The following GPC5 variants were observed in gnomAD, a reference collection of about 807,000 sequenced individuals.
GPC5 encodes the protein glypican 5, also known as glypican-5.
GPC5 carries 47 observed loss-of-function variants against 53.9 expected under a neutral mutation model. The observed-to-expected ratio is 0.87, with a 90% CI of 0.69 to 1.11. The LOEUF is 1.11. Among genes scored for constraint, GPC5 ranks in the 50% most tolerant of loss-of-function variants. The pLI is 0.00. For synonymous variants in GPC5, 286 were observed against 263.3 expected (o/e 1.09, Z -0.84); for missense variants, 748 against 713.1 (o/e 1.05, Z -0.56).
chr13:91,689,204 TATATATATATATATATATATATATATAC>T (rs1221592828), intron 2 of GPC5, among the ~76,000 whole-genome samples: 16 of 112,684 alleles, frequency 1.4e-4, no homozygotes, highest in African/African-American at 5.0e-4. Context: ...TATATATATA[TATATATATATATATATATATATATATAC>T]ACATATAAAA....
chr13:92,823,804 C>A (rs1490095317), intron 7 of GPC5, among the ~76,000 whole-genome samples: 2 of 152,032 alleles, frequency 1.3e-5, no homozygotes, highest in African/African-American at 4.8e-5. Context: ...ACTTCCCAAC[C>A]CTGTTAAAAC....
At chr13:92,644,750 G>A (rs1885710192) in intron 7 of GPC5, among the ~76,000 whole-genome samples, 1 of 151,900 alleles carries the variant, frequency 6.6e-6, no homozygotes, top group African/African-American at 2.4e-5. Context: ...ATCTGTTTTT[G>A]GAACATGGTT....
At chr13:92,422,515 CACACACACACACACACAA>C in intron 7 of GPC5, among the ~76,000 whole-genome samples, 4 of 149,464 alleles carry the variant, frequency 2.7e-5, no homozygotes, top group African/African-American at 9.8e-5. Flanking sequence ...CACACACACA[CACACACACACACACACAA>C]CTTCTTGGAA....
At chr13:92,369,399 A>G (rs2043632551) in intron 7 of GPC5, among the ~76,000 whole-genome samples, 1 of 152,172 alleles carries the variant, frequency 6.6e-6, no homozygotes, top group African/African-American at 2.4e-5. Context: ...GCTGGTCTTG[A>G]ACTCCTGGCC....
chr13:92,833,472 T>G (rs1878119336), intron 7 of GPC5, among the ~76,000 whole-genome samples: 1 of 152,144 alleles, frequency 6.6e-6, no homozygotes, highest in African/African-American at 2.4e-5. Context: ...ATAGATAATA[T>G]ATATATTCTT....
In GPC5 at chr13:92,459,702, T is replaced by A. The variant is rs940955143; in HGVS notation, c.1561+314713T>A. Among the ~76,000 whole-genome samples, 5 of 152,206 alleles carry A rather than the reference T, an allele frequency of 3.3e-5. No homozygotes were observed. The South Asian group carries it at 1.0e-3, about 31-fold the overall frequency. On this transcript the variant is annotated intron_variant, in intron 7 of 7. Transcript: ENST00000377067. ...CTTATTTAATAATTTTCTACATGTA[T>A]GTTTTGTTAGTCCTGATGAAATGCA... is the stretch of plus-strand genomic sequence containing the variant.
chr13:92,243,816 G>T (rs1457797395), intron 7 of GPC5, among the ~76,000 whole-genome samples: 2 of 151,894 alleles, frequency 1.3e-5, no homozygotes, highest in East Asian at 3.9e-4. Context: ...GAGTAGATCT[G>T]TGCATGTAAG....
At chr13:92,627,764 A>T (rs1294374518) in intron 7 of GPC5, among the ~76,000 whole-genome samples, 2 of 152,188 alleles carry the variant, frequency 1.3e-5, no homozygotes, top group Non-Finnish European at 2.9e-5. Flanking sequence ...ATTTGGCTTT[A>T]TTATACATGC....
intron 7 of GPC5, among the ~76,000 whole-genome samples, chr13:92,419,089 G>A (rs538823876): frequency 4.6e-5 from 7 of 152,254 alleles, no homozygotes; most frequent in Admixed American, 2.6e-4. Context: ...ATTTCACTCA[G>A]GGAAGCATTT....
At chr13:92,622,269 G>C (rs1884899361) in intron 7 of GPC5, among the ~76,000 whole-genome samples, 1 of 152,194 alleles carries the variant, frequency 6.6e-6, no homozygotes, top group Non-Finnish European at 1.5e-5. Context: ...TCTGTCCTCA[G>C]CTACATCGCC....
chr13:92,786,041 C>T (rs2138768008), intron 7 of GPC5, among the ~76,000 whole-genome samples: 3 of 152,304 alleles, frequency 2.0e-5, no homozygotes, highest in Admixed American at 2.0e-4. Flanking sequence ...ATGTTTTCCA[C>T]TGATGGATGT....
chr13:92,048,086 C>A (rs372788578), intron 6 of GPC5, among the ~76,000 whole-genome samples: 1 of 151,786 alleles, frequency 6.6e-6, no homozygotes. Context: ...AAACCTTAGA[C>A]GATAGATAAC....
chr13:92,083,688 G>C (rs1241486517), intron 6 of GPC5, among the ~76,000 whole-genome samples: 1 of 152,122 alleles, frequency 6.6e-6, no homozygotes, highest in African/African-American at 2.4e-5. Context: ...ATTCCTCTGG[G>C]TATATACCCA....
At chr13:91,500,050 C>T (rs77604791) in intron 2 of GPC5, among the ~76,000 whole-genome samples, 3,109 of 152,290 alleles carry the variant, frequency 0.02, 43 homozygotes, top group Non-Finnish European at 0.033. Context: ...ACCATGCCCT[C>T]ATTTCCAGCT....
chr13:91,917,585 T>C (rs1031845749), intron 6 of GPC5, among the ~76,000 whole-genome samples: 8 of 152,234 alleles, frequency 5.3e-5, no homozygotes, highest in African/African-American at 1.9e-4. Context: ...TTCTGCACTT[T>C]TCTGCTCTGC....
chr13:91,965,866 T>C (rs2040175945), intron 6 of GPC5, among the ~76,000 whole-genome samples: 1 of 152,330 alleles, frequency 6.6e-6, no homozygotes, highest in Admixed American at 6.5e-5. Context: ...CAGGAATGCA[T>C]ATTTAAACTG....
chr13:92,494,110 G>T lies in GPC5; in HGVS notation c.1561+349121G>T, dbSNP rs865951585. ...GTTTTGTTTTGTTTTGTTTTTTTGA[G>T]ACGGAGTCTCGCTCTGTCGCCCAGG... On this transcript the variant is annotated intron_variant, in intron 7 of 7. Coordinates refer to ENST00000377067, the MANE Select transcript of GPC5 (RefSeq NM_004466.6). 4.3e-3 allele frequency among the ~76,000 whole-genome samples: 618 copies of T among 143,182 alleles called. 8 individuals carry two copies. Among genetic ancestry groups the T allele is most frequent in the African/African-American group, 0.017 (594 of 35,892 alleles). The allele number at this position is 143,182 out of a possible 152,430, so 93.9% of individuals were successfully genotyped here.
chr13:91,809,119 T>C (rs1156415944), intron 5 of GPC5, among the ~76,000 whole-genome samples: 2 of 152,142 alleles, frequency 1.3e-5, no homozygotes, highest in Admixed American at 6.5e-5. Flanking sequence ...CCAAAAAGCA[T>C]GATTAAGCCC....
At chr13:92,480,657 TA>T (rs145571657) in intron 7 of GPC5, among the ~76,000 whole-genome samples, 1 of 152,136 alleles carries the variant, frequency 6.6e-6, no homozygotes, top group African/African-American at 2.4e-5. Flanking sequence ...ATTCGCAGAC[TA>T]AAAAACACTG....
Sources: allele counts gnomAD v4.1 joint callset (sites outside exome capture counted in the v4.1 genomes callset), GRCh38; gene constraint gnomAD v4.1.1; transcripts MANE v1.5; gene names NCBI Gene and HGNC (gene_info 2026-07-23, HGNC 2026-07-21).